Variants in UBR4 observed in about 807,000 individuals in gnomAD.
The protein encoded by UBR4 is ubiquitin protein ligase E3 component n-recognin 4, also known as E3 ubiquitin-protein ligase UBR4.
Under a neutral mutation model 575.6 loss-of-function variants are expected in UBR4, and 124 were observed. The ratio of observed to expected loss-of-function variants is 0.22; its 90% CI spans 0.19 to 0.25. The LOEUF is 0.25. UBR4 is among the 10% of genes least tolerant of loss of function. The pLI is 1.00. For missense variants in UBR4, 4,818 were observed against 6,478.8 expected (o/e 0.74, Z 8.80); for synonymous variants, 2,455 against 2,473.7 (o/e 0.99, Z 0.22).
At chr1:19,125,230 T>C (rs2081593986) in intron 64 of UBR4, among the ~76,000 whole-genome samples, 1 of 152,224 alleles carries the variant, frequency 6.6e-6, no homozygotes, top group Non-Finnish European at 1.5e-5. Context: ...TCCTGCAAGC[T>C]GTGTGGTCCC....
chr1:19,115,775 ATAATAGGAAGCCAGT>A, intron 73 of UBR4, 138 bp from the exon 74 acceptor site: 1 of 1,365,804 alleles, frequency 7.3e-7, no homozygotes. Flanking sequence ...AATCTGGCAT[ATAATAGGAAGCCAGT>A]TTTAAAAAAG....
chr1:19,167,715 A>ATATCAAAT (rs2088753984), intron 28 of UBR4, among the ~76,000 whole-genome samples: 1 of 152,206 alleles, frequency 6.6e-6, no homozygotes, highest in African/African-American at 2.4e-5. Flanking sequence ...GATTCTGGAG[A>ATATCAAAT]AACGTTATCA....
intron 26 of UBR4, among the ~76,000 whole-genome samples, chr1:19,169,754 C>T (rs1435562551): frequency 6.6e-6 from 1 of 152,224 alleles, no homozygotes; most frequent in East Asian, 1.9e-4. Context: ...CATTTCCCAT[C>T]ATGTTCACTT....
rs760965928 is a variant in UBR4 at position 19,170,841 on chromosome 1, C to G, written c.3564G>C (p.Glu1188Asp). The G allele has an allele frequency of 6.2e-7, 1 of 1,614,184 alleles. No homozygotes were observed. Among genetic ancestry groups the G allele is most frequent in the South Asian group, 1.1e-5 (1 of 91,080 alleles). ...CTTGCAGTTTCTCCTTGGAAGGTTT[C>G]TCAGTTGTTCCCTCTTCATTAAAGT... Reference protein sequence around the residue: ...LQNFNEEGTTEKPSKEKLQGF... With the variant: ...LQNFNEEGTTDKPSKEKLQGF... Residue 1188 changes from glutamate (E) to aspartate (D), a missense_variant, in exon 26 of 106, where the codon GAG becomes GAC. By Grantham distance (45) the Glu-to-Asp change is conservative. This residue lies in a region of UBR4 where 1,172 missense variants were observed against 1,259.7 expected (regional missense o/e 0.93). Coordinates refer to ENST00000375254, the MANE Select transcript of UBR4 (RefSeq NM_020765.3).
rs149681310 is a variant in UBR4 at position 19,151,802 on chromosome 1, T to G, written c.7054A>C (p.Met2352Leu). ...GCTTGAGTCCCAATCTGGATCCGCA[T>G]GCCTGTCATCACCATAGTGCTATTG... ...NNNSTMVMTGMRIQIGTQAIE... is the reference protein window; with the variant it reads ...NNNSTMVMTGLRIQIGTQAIE... The change falls in exon 48 of 106, where the codon ATG becomes CTG. Residue 2352 changes from methionine (M) to leucine (L), a missense_variant. This residue lies in a region of UBR4 where 461 missense variants were observed against 606.9 expected (regional missense o/e 0.76). Transcript: ENST00000375254. 1.2e-6 allele frequency: 2 copies of G among 1,614,118 alleles called. No individual in the cohort carries two copies. The highest frequency in any genetic ancestry group is 2.2e-5 in the East Asian group (1 of 44,884).
intron 17 of UBR4, 40 bp from the exon 18 acceptor site, chr1:19,179,260 T>TACGGGATAA: frequency 6.7e-7 from 1 of 1,498,208 alleles, no homozygotes; most frequent in Non-Finnish European, 8.9e-7. Flanking sequence ...AGCAAACAGA[T>TACGGGATAA]ACGGGATAAA....
chr1:19,081,747 C>T lies in UBR4; in HGVS notation c.15009-174G>A, dbSNP rs111593569. 614 of 768,098 alleles carry T rather than the reference C, an allele frequency of 8.0e-4. 14 individuals carry two copies. The highest frequency in any genetic ancestry group is 6.7e-3 in the South Asian group (468 of 69,662). The allele number at this position is 768,098 out of a possible 1,614,324, so 47.6% of individuals were successfully genotyped here. A position where few individuals can be genotyped will look rare whatever the true frequency, so the allele number is the denominator to read the frequency against. ...TACTCCCACTTCCTCTGATAATCCACGCCCTTCGTCCCCTTCCAGGCCCTT... is the reference window on the plus strand; with the variant it reads ...TACTCCCACTTCCTCTGATAATCCATGCCCTTCGTCCCCTTCCAGGCCCTT... On this transcript the variant is annotated intron_variant, in intron 102 of 105. Coordinates refer to ENST00000375254, the MANE Select transcript of UBR4 (RefSeq NM_020765.3).
chr1:19,086,083 G>A (rs985858013), intron 101 of UBR4, 62 bp downstream of exon 101: 13 of 1,584,044 alleles, frequency 8.2e-6, no homozygotes, highest in South Asian at 2.3e-5. Context: ...GGCTGATAGC[G>A]GGTCTTGTCC....
At chr1:19,186,833 C>G (rs879459087) in intron 13 of UBR4, among the ~76,000 whole-genome samples, 176 bp from the exon 14 acceptor site, 6 of 152,080 alleles carry the variant, frequency 3.9e-5, no homozygotes, top group African/African-American at 1.2e-4. Context: ...CAACCAGAGA[C>G]GTGGACAAGA....
At chr1:19,132,628 A>C (rs1428290623) in intron 60 of UBR4, among the ~76,000 whole-genome samples, 1 of 145,308 alleles carries the variant, frequency 6.9e-6, no homozygotes, top group African/African-American at 2.5e-5. Context: ...AAAAAAAAGT[A>C]AGTAAAAGAA....
At position 19,121,245 on chromosome 1, in the gene UBR4, T is replaced by A; in HGVS notation, c.10085A>T (p.Gln3362Leu). 2.9e-5 allele frequency: 47 copies of A among 1,614,238 alleles called. No individual in the cohort carries two copies. Among genetic ancestry groups the A allele is most frequent in the Non-Finnish European group, 4.0e-5 (47 of 1,180,034 alleles). ...GCTCTTTTTAGTGGAAGACTTGGAC[T>A]GTGTTGTGGCTTGTCCAGAACTGGC... ...VAASSGQATT[Q>L]SKSSTKKSKK... Residue 3362 changes from glutamine to leucine, a missense_variant, in exon 68 of 106, where the codon CAG becomes CTG. By Grantham distance (113) the Gln-to-Leu change is moderately radical (BLOSUM62 -2). Coordinates refer to ENST00000375254, the MANE Select transcript of UBR4 (RefSeq NM_020765.3).
At chr1:19,143,259 GAAGAAAGAAAGAAAGAAAGA>G (rs200550539) in intron 55 of UBR4, among the ~76,000 whole-genome samples, 382 of 91,576 alleles carry the variant, frequency 4.2e-3, no homozygotes, top group South Asian at 0.018. Context: ...AGGAAGGAAG[GAAGAAAGAAAGAAAGAAAGA>G]AAGAAAGAAA....
In UBR4 at chr1:19,185,082, T is replaced by C. The variant is rs1557953947; in HGVS notation, c.1938+17A>G. On this transcript the variant is annotated intron_variant, in intron 15 of 105. Coordinates refer to ENST00000375254, the MANE Select transcript of UBR4 (RefSeq NM_020765.3). ...CCCCATGTCCACTTCCCCTAAACCT[T>C]AGAAACCTACTCTTACCAACTCAGG... 6.2e-7 allele frequency: 1 copy of C among 1,614,072 alleles called. No individual in the cohort carries two copies. The highest frequency in any genetic ancestry group is 1.7e-4 in the Middle Eastern group (1 of 6,060).
chr1:19,158,086 G>T, intron 39 of UBR4, 89 bp from the exon 40 acceptor site: 2 of 1,377,382 alleles, frequency 1.5e-6, no homozygotes, highest in Non-Finnish European at 2.0e-6. Flanking sequence ...CTGAGACACT[G>T]CACAATTCAG....
chr1:19,168,172 CA>C lies in UBR4; in HGVS notation c.3753del (p.Phe1251LeufsTer34). On this transcript the variant is annotated frameshift_variant, in exon 28 of 106. Coordinates refer to ENST00000375254, the MANE Select transcript of UBR4 (RefSeq NM_020765.3). LOFTEE classifies it high-confidence loss of function. ...CTCTCTGAAGGGATGGTGTCATTGG[CA>C]AAGGCATTGCGCTGAAAGGAAGCAA... ...FPNIGSWRNA[F>X]ANDTIPSESY... is the part of the protein sequence containing the mutation. The C allele has an allele frequency of 6.3e-7, 1 of 1,585,722 alleles. No individual in the cohort carries two copies. The highest frequency in any genetic ancestry group is 8.6e-7 in the Non-Finnish European group (1 of 1,160,102).
At chr1:19,173,762 C>G (rs2089904266) in intron 22 of UBR4, 141 bp from the exon 23 acceptor site, 1 of 784,618 alleles carries the variant, frequency 1.3e-6, no homozygotes, top group Non-Finnish European at 2.0e-6. Flanking sequence ...GCCCCCAAGT[C>G]CATTCTCCAG....
intron 91 of UBR4, 112 bp from the exon 92 acceptor site, chr1:19,096,762 T>C: frequency 6.9e-7 from 1 of 1,454,780 alleles, no homozygotes; most frequent in Non-Finnish European, 9.3e-7. Flanking sequence ...CCCTTTTCCG[T>C]ATCTCCAATA....
At position 19,088,720 on chromosome 1, in the gene UBR4, T is replaced by C; in HGVS notation, c.14430+39A>G. On this transcript the variant is annotated intron_variant, in intron 98 of 105. Coordinates refer to ENST00000375254, the MANE Select transcript of UBR4 (RefSeq NM_020765.3). This position sits in a 1 kb window ranked among gnomAD's most constrained non-coding sequence, Gnocchi z 4.0. ...CCCATGGCCACCTCCTCATCAACAG[T>C]GTGGGCAGAAATATGGGGACTCTAG... 2 of 1,605,194 alleles carry C rather than the reference T, an allele frequency of 1.2e-6. No individual in the cohort carries two copies. Among genetic ancestry groups the C allele is most frequent in the Non-Finnish European group, 1.7e-6 (2 of 1,173,908 alleles).
chr1:19,172,923 A>G lies in UBR4; in HGVS notation c.3462T>C (p.Ile1154=). 2 of 1,614,178 alleles carry G rather than the reference A, an allele frequency of 1.2e-6. No individual in the cohort carries two copies. The highest frequency in any genetic ancestry group is 1.6e-4 in the Middle Eastern group (1 of 6,062). The part of the protein sequence containing the change: ...AETDPHKSSE[I]TKNLLPATLQ... Reference sequence around the variant, plus strand: ...GCGTGGCTGGAAGTAGGTTCTTGGTAATCTCAGACGACTTATGAGGATCAG... The same window carrying G: ...GCGTGGCTGGAAGTAGGTTCTTGGTGATCTCAGACGACTTATGAGGATCAG... Residue 1154 remains isoleucine (I), a synonymous_variant, in exon 25 of 106, where the codon ATT becomes ATC. Coordinates refer to ENST00000375254, the MANE Select transcript of UBR4 (RefSeq NM_020765.3).
Sources: allele counts gnomAD v4.1 joint callset (sites outside exome capture counted in the v4.1 genomes callset), GRCh38; gene constraint gnomAD v4.1.1; regional missense constraint gnomAD v4.1.1; non-coding constraint Gnocchi (gnomAD v3.1); transcripts MANE v1.5; gene names NCBI Gene and HGNC (gene_info 2026-07-23, HGNC 2026-07-21).